The following SNX27 variants were observed in gnomAD, a reference collection of about 807,000 sequenced individuals.
The protein encoded by SNX27 is sorting nexin-27.
Under a neutral mutation model 71.6 loss-of-function variants are expected in SNX27, and 22 were observed. The ratio of observed to expected loss-of-function variants is 0.31; its 90% CI spans 0.22 to 0.44. The LOEUF (loss-of-function observed/expected upper bound fraction) is 0.44. SNX27 is among the 20% of genes least tolerant of loss of function. The pLI is 1.00. For synonymous variants in SNX27, 269 were observed against 277.2 expected (o/e 0.97, Z 0.29); for missense variants, 531 against 698.6 (o/e 0.76, Z 2.70).
At chr1:151,665,850 C>T in intron 5 of SNX27, 83 bp from the exon 6 acceptor site, 1 of 1,117,256 alleles carries the variant, frequency 9.0e-7, no homozygotes, top group Non-Finnish European at 1.3e-6. Context: ...CCCTTTCCCT[C>T]CTCCACAGAC....
At chr1:151,658,040 T>C (rs1323589419) in intron 2 of SNX27, among the ~76,000 whole-genome samples, 195 bp from the exon 3 acceptor site, 1 of 152,122 alleles carries the variant, frequency 6.6e-6, no homozygotes, top group African/African-American at 2.4e-5. Context: ...CATGCTCCTT[T>C]GGTAGTCCTT....
Position 151,694,540 on chromosome 1 carries a change from C to A in SNX27, c.*123C>A. The A allele has an allele frequency of 1.0e-6, 1 of 978,924 alleles. No individual in the cohort carries two copies. Among genetic ancestry groups the A allele is most frequent in the Non-Finnish European group, 1.5e-6 (1 of 684,542 alleles). The allele number at this position is 978,924 out of a possible 1,614,324, so 60.6% of individuals were successfully genotyped here. A position where few individuals can be genotyped will look rare whatever the true frequency, so the allele number is the denominator to read the frequency against. ...AAGTTAAAGTCGTTATATTCAAAAG[C>A]CCTAAACTAAATATTATTAATAACC... On this transcript the variant is annotated 3_prime_UTR_variant, in exon 12 of 12. Transcript: ENST00000458013.
At chr1:151,669,199 T>C (rs1670348945) in intron 7 of SNX27, 2 of 152,376 alleles carry the variant, frequency 1.3e-5, no homozygotes, top group Admixed American at 6.5e-5. Context: ...CTGTCTTTCC[T>C]TCTCCATTCC....
intron 11 of SNX27, 127 bp from the exon 12 acceptor site, chr1:151,694,243 T>C (rs1034542698): frequency 3.4e-6 from 5 of 1,471,880 alleles, no homozygotes; most frequent in Non-Finnish European, 3.6e-6. Flanking sequence ...TGAGAAGTTA[T>C]ATCAAGAAAG....
intron 1 of SNX27, among the ~76,000 whole-genome samples, chr1:151,630,925 G>T (rs550527343): frequency 6.6e-6 from 1 of 152,122 alleles, no homozygotes; most frequent in African/African-American, 2.4e-5. Context: ...CCAGCTACTC[G>T]GGAGGCTGAG....
rs199978580 is a variant in SNX27 at position 151,637,244 on chromosome 1, T to TC, written c.312-1643dup. On this transcript the variant is annotated intron_variant, in intron 1 of 11. Transcript: ENST00000458013. ...CGGAGTGCAGAGTGCAGTGGCGTGA[T>TC]CTGGGCTCACTGCAAGCTCCGCCTG... 1.9e-3 allele frequency among the ~76,000 whole-genome samples: 287 copies of TC among 151,010 alleles called. 2 individuals are homozygous for TC. Among genetic ancestry groups the TC allele is most frequent in the African/African-American group, 6.5e-3 (268 of 41,066 alleles).
intron 1 of SNX27, among the ~76,000 whole-genome samples, chr1:151,626,012 C>T (rs1250364535): frequency 6.6e-6 from 1 of 151,864 alleles, no homozygotes; most frequent in Non-Finnish European, 1.5e-5. Context: ...ACATGTAATC[C>T]CAGCTACTCT....
At chr1:151,623,797 T>C (rs1477216214) in intron 1 of SNX27, among the ~76,000 whole-genome samples, 1 of 152,114 alleles carries the variant, frequency 6.6e-6, no homozygotes, top group Non-Finnish European at 1.5e-5. Flanking sequence ...TTGCTCTATA[T>C]TGATCAGGTT....
At chr1:151,634,318 A>G (rs1300310144) in intron 1 of SNX27, among the ~76,000 whole-genome samples, 1 of 152,240 alleles carries the variant, frequency 6.6e-6, no homozygotes, top group East Asian at 1.9e-4. Context: ...ACAGAGGGTC[A>G]AAATAGTATT....
At chr1:151,633,369 G>A (rs1196617820) in intron 1 of SNX27, among the ~76,000 whole-genome samples, 1 of 151,976 alleles carries the variant, frequency 6.6e-6, no homozygotes, top group African/African-American at 2.4e-5. Context: ...TGAGATCTTG[G>A]CTCACTACAG....
At chr1:151,692,650 A>T (rs1671512349) in intron 9 of SNX27, 66 bp downstream of exon 9, 1 of 1,568,910 alleles carries the variant, frequency 6.4e-7, no homozygotes, top group Non-Finnish European at 8.6e-7. Context: ...CTTGCTTGTG[A>T]CGTTTTAATT....
intron 2 of SNX27, among the ~76,000 whole-genome samples, chr1:151,649,933 G>A (rs1317996339): frequency 2.6e-5 from 4 of 151,912 alleles, no homozygotes; most frequent in Admixed American, 2.0e-4. Context: ...TGTCTCCCAG[G>A]CTGGAGTTCA....
rs752497304 is a variant in SNX27 at position 151,660,785 on chromosome 1, T to C, written c.737-13T>C. ...TAAGGCCTTATGCCAGATTTTATCT[T>C]TATTTTCTACAGTGTGTTCAATACG... On this transcript the variant is annotated splice_polypyrimidine_tract_variant and intron_variant, in intron 3 of 11. Coordinates refer to ENST00000458013, the MANE Select transcript of SNX27 (RefSeq NM_001330723.2). The C allele has an allele frequency of 1.6e-5, 26 of 1,606,138 alleles. No homozygotes were observed. Among genetic ancestry groups the C allele is most frequent in the Non-Finnish European group, 2.2e-5 (26 of 1,173,054 alleles).
chr1:151,667,661 T>TA (rs1670262544), intron 6 of SNX27, among the ~76,000 whole-genome samples: 4 of 151,352 alleles, frequency 2.6e-5, no homozygotes, highest in Admixed American at 6.6e-5. Context: ...CCGTCTCTAC[T>TA]AAAAAAATAC....
chr1:151,649,305 A>G (rs768658485), intron 2 of SNX27, among the ~76,000 whole-genome samples: 1 of 152,048 alleles, frequency 6.6e-6, no homozygotes, highest in Non-Finnish European at 1.5e-5. Flanking sequence ...GTACCAAAAG[A>G]AAAAAACAAT....
intron 7 of SNX27, among the ~76,000 whole-genome samples, chr1:151,673,839 A>T (rs1039367631): frequency 2.0e-5 from 3 of 152,144 alleles, no homozygotes; most frequent in African/African-American, 4.8e-5. Context: ...ATTTTGTCTG[A>T]TATAAGTATA....
In SNX27 at chr1:151,671,492, C is replaced by T. The variant is rs530217703; in HGVS notation, c.1149+2857C>T. On this transcript the variant is annotated intron_variant, in intron 7 of 11. Coordinates refer to ENST00000458013, the MANE Select transcript of SNX27 (RefSeq NM_001330723.2). Reference sequence around the variant, plus strand: ...AGGCTCAAGATCCTCCTGCCTTAGCCTCCTAAATTGCTGGGTTACAGATGT... The same window carrying T: ...AGGCTCAAGATCCTCCTGCCTTAGCTTCCTAAATTGCTGGGTTACAGATGT... Among the ~76,000 whole-genome samples, 3 of 152,256 alleles carry T rather than the reference C, an allele frequency of 2.0e-5. No individual in the cohort carries two copies. The South Asian group carries it at 6.2e-4, about 32-fold the overall frequency.
At position 151,651,650 on chromosome 1, in the gene SNX27, C is replaced by A. The variant is rs529750615; in HGVS notation, c.544-6585C>A. On this transcript the variant is annotated intron_variant, in intron 2 of 11. Coordinates refer to ENST00000458013, the MANE Select transcript of SNX27 (RefSeq NM_001330723.2). ...CCCCACATCTCAGACGATGGGTGGC[C>A]GGGCAGAGATGCTCCTCACTTCCTA... 9.1e-3 allele frequency among the ~76,000 whole-genome samples: 1,373 copies of A among 151,664 alleles called. 15 individuals are homozygous for A. The highest frequency in any genetic ancestry group is 0.031 in the African/African-American group (1,291 of 41,336).
At chr1:151,676,619 T>C (rs934656103) in intron 7 of SNX27, 4 of 152,318 alleles carry the variant, frequency 2.6e-5, no homozygotes, top group African/African-American at 7.2e-5. Flanking sequence ...AATTTTGTTT[T>C]AGAGAAGTTT....
Sources: allele counts gnomAD v4.1 joint callset (sites outside exome capture counted in the v4.1 genomes callset), GRCh38; gene constraint gnomAD v4.1.1; transcripts MANE v1.5; gene names NCBI Gene and HGNC (gene_info 2026-07-23, HGNC 2026-07-21).